The following STIP1 variants were observed in gnomAD, a reference collection of about 807,000 sequenced individuals.
STIP1 encodes stress induced phosphoprotein 1.
A neutral mutation model predicts 77.4 loss-of-function variants in STIP1; 16 were observed. That is an observed-to-expected ratio of 0.21 (90% CI 0.14 to 0.31). The LOEUF (loss-of-function observed/expected upper bound fraction) is 0.31. Ranked by LOEUF, STIP1 falls within the 10% of genes least tolerant of loss-of-function variation. The pLI is 1.00. For synonymous variants in STIP1, 258 were observed against 246.6 expected (o/e 1.05, Z -0.44); for missense variants, 524 against 684.8 (o/e 0.77, Z 2.62).
rs571234001 is a variant in STIP1 at position 64,202,236 on chromosome 11, T to G, written c.1246-640T>G. Among the ~76,000 whole-genome samples, 5 of 151,972 alleles carry G rather than the reference T, an allele frequency of 3.3e-5. No homozygotes were observed. The East Asian group carries it at 9.6e-4, about 29-fold the overall frequency. On this transcript the variant is annotated intron_variant, in intron 10 of 13. Transcript: ENST00000305218. The stretch of plus-strand genomic sequence containing the variant: ...GGTTTTTTTATTTTTGTTTGTTTGT[T>G]TTTATTTTTTTTTGAGACAGAGTTT...
chr11:64,190,608 C>G (rs915801360), intron 1 of STIP1, among the ~76,000 whole-genome samples: 7 of 152,208 alleles, frequency 4.6e-5, no homozygotes, highest in African/African-American at 1.7e-4. Flanking sequence ...AATCATTTCT[C>G]TTGACAAAAC....
intron 8 of STIP1, among the ~76,000 whole-genome samples, chr11:64,198,896 C>A (rs1204282505): frequency 6.6e-6 from 1 of 151,208 alleles, no homozygotes; most frequent in African/African-American, 2.4e-5. Flanking sequence ...CTGTAAATTT[C>A]TTTTAAAATC....
rs775702847 is a variant in STIP1 at position 64,197,360 on chromosome 11, G to A, written c.762G>A (p.Leu254=). The part of the protein sequence containing the change: ...ALKHYDKAKE[L]DPTNMTYITN... ...AGCATTACGACAAAGCCAAGGAGCT[G>A]GACCCCACTAACATGACTTACATTA... Residue 254 remains leucine (L), a synonymous_variant, in exon 6 of 14, where the codon CTG becomes CTA. Transcript: ENST00000305218. The A allele has an allele frequency of 5.0e-6, 8 of 1,614,024 alleles. No homozygotes were observed. In the South Asian group the frequency reaches 7.7e-5, roughly 16 times the overall value.
intron 1 of STIP1, chr11:64,186,513 ACAG>A: frequency 3.0e-6 from 1 of 337,748 alleles, no homozygotes; most frequent in Admixed American, 5.2e-5. Flanking sequence ...GGCGGAGGCC[ACAG>A]CTTGGGTGAG....
At chr11:64,185,706 A>G (rs534676651), upstream of STIP1, 20 of 1,378,404 alleles carry the variant, frequency 1.5e-5, no homozygotes, top group East Asian at 2.5e-5. Context: ...GTACTCCCAT[A>G]TATCAGGGGC....
rs561319313 is a variant in STIP1, at chr11:64,193,895, T to C, written c.220-294T>C. Among the ~76,000 whole-genome samples the C allele has an allele frequency of 2.0e-5, 3 of 152,178 alleles. No homozygotes were observed. The South Asian group carries it at 6.2e-4, about 32-fold the overall frequency. Reference sequence around the variant, plus strand: ...CCCAAAGGTTTGGGACCAGCCTGGGTAACATAAGGAGTCCCTGTCTTTACC... The same window carrying C: ...CCCAAAGGTTTGGGACCAGCCTGGGCAACATAAGGAGTCCCTGTCTTTACC... On this transcript the variant is annotated intron_variant, in intron 2 of 13. Transcript: ENST00000305218.
rs1221893517 is a variant in STIP1, at chr11:64,204,538, G to A, written c.*412G>A. 3 of 199,786 alleles carry A rather than the reference G, an allele frequency of 1.5e-5. No individual in the cohort carries two copies. The highest frequency in any genetic ancestry group is 3.0e-5 in the Non-Finnish European group (3 of 99,218). 12.4% of individuals were successfully genotyped at this position (199,786 alleles called of 1,614,324 possible). On this transcript the variant is annotated 3_prime_UTR_variant, in exon 14 of 14. Coordinates refer to ENST00000305218, the MANE Select transcript of STIP1 (RefSeq NM_006819.3). Reference sequence around the variant, plus strand: ...CAATAAAACAAGCCAGTTGGGCGTGGTTATATGTTGCTTTGGCCTTGAGTG... The same window carrying A: ...CAATAAAACAAGCCAGTTGGGCGTGATTATATGTTGCTTTGGCCTTGAGTG...
At chr11:64,196,571 C>A (rs556259376) in intron 5 of STIP1, among the ~76,000 whole-genome samples, 3 of 152,010 alleles carry the variant, frequency 2.0e-5, no homozygotes, top group African/African-American at 7.3e-5. Flanking sequence ...TTGTCGTGAT[C>A]CGAAGAATGT....
At chr11:64,188,725 T>C (rs906191560) in intron 1 of STIP1, among the ~76,000 whole-genome samples, 2 of 152,136 alleles carry the variant, frequency 1.3e-5, no homozygotes, top group Non-Finnish European at 2.9e-5. Context: ...GTGATAGAAG[T>C]GTATGTACAG....
intron 13 of STIP1, 145 bp from the exon 14 acceptor site, chr11:64,203,909 G>T (rs1032681745): frequency 2.1e-6 from 2 of 969,562 alleles, no homozygotes; most frequent in Middle Eastern, 5.2e-4. Flanking sequence ...AGTGGAGCAG[G>T]CCTCTGCAGC....
upstream of STIP1, chr11:64,185,907 G>C (rs1460166067): frequency 6.5e-7 from 1 of 1,536,112 alleles, no homozygotes; most frequent in African/African-American, 1.4e-5. Context: ...GGCTACGATT[G>C]GCAGTGCAAA....
intron 8 of STIP1, 110 bp downstream of exon 8, chr11:64,198,084 G>A: frequency 7.3e-7 from 1 of 1,378,486 alleles, no homozygotes; most frequent in Non-Finnish European, 9.8e-7. Context: ...TTTGAGATAG[G>A]GTCTCACTCT....
intron 7 of STIP1, 38 bp downstream of exon 7, chr11:64,197,633 A>G (rs1223593537): frequency 6.2e-7 from 1 of 1,611,146 alleles, no homozygotes. Context: ...AGTAGCGCGG[A>G]GGGTTTGCTG....
At position 64,187,831 on chromosome 11, in the gene STIP1, C is replaced by T. The variant is rs143941604; in HGVS notation, c.9+1561C>T. ...CCTGGCTAGCACAGTGAAACCCCGT[C>T]TCTACTAAAAATACAGAAGAAAAAT... On this transcript the variant is annotated intron_variant, in intron 1 of 13. Coordinates refer to ENST00000305218, the MANE Select transcript of STIP1 (RefSeq NM_006819.3). Among the ~76,000 whole-genome samples, 63 of 152,024 alleles carry T rather than the reference C, an allele frequency of 4.1e-4. No individual in the cohort carries two copies. The East Asian group carries it at 9.7e-3, about 23-fold the overall frequency.
At chr11:64,197,746 G>A (rs754906151) in intron 7 of STIP1, 108 bp from the exon 8 acceptor site, 20 of 1,552,664 alleles carry the variant, frequency 1.3e-5, no homozygotes, top group East Asian at 2.2e-5. Flanking sequence ...CAAGACAAAA[G>A]GTGTTGAAGG....
intron 10 of STIP1, among the ~76,000 whole-genome samples, chr11:64,200,590 C>CGTGTGTGTGTGTGT (rs35484605): frequency 1.4e-5 from 2 of 141,208 alleles, no homozygotes; most frequent in Non-Finnish European, 3.1e-5. Flanking sequence ...TCTAACTGGT[C>CGTGTGTGTGTGTGT]GTGTGTGTGT....
chr11:64,199,286 A>G (rs1462103459), intron 8 of STIP1, among the ~76,000 whole-genome samples: 1 of 151,212 alleles, frequency 6.6e-6, no homozygotes, highest in African/African-American at 2.4e-5. Context: ...GGGCGGATCA[A>G]GAGGTCAGGA....
Position 64,193,137 on chromosome 11 carries a change from C to T in STIP1, c.69C>T (p.Ala23=), listed in dbSNP as rs774570014. The T allele has an allele frequency of 5.0e-6, 8 of 1,614,068 alleles. No homozygotes were observed. Among genetic ancestry groups the T allele is most frequent in the African/African-American group, 4.0e-5 (3 of 74,910 alleles). The change falls in exon 2 of 14, where the codon GCC becomes GCT. Residue 23 remains alanine (A), a synonymous_variant. Coordinates refer to ENST00000305218, the MANE Select transcript of STIP1 (RefSeq NM_006819.3). ...TGAGCGTGGGTAACATCGATGATGC[C>T]TTACAGTGCTACTCCGAAGCTATTA... is the stretch of plus-strand genomic sequence containing the variant. ...KALSVGNIDD[A]LQCYSEAIKL...
intron 7 of STIP1, 74 bp from the exon 8 acceptor site, chr11:64,197,780 G>A (rs1946167189): frequency 6.3e-7 from 1 of 1,582,982 alleles, no homozygotes; most frequent in Middle Eastern, 2.3e-4. Flanking sequence ...CTTTCTAGCT[G>A]CAGGTGTGTT....
Sources: gnomAD v4.1 joint callset for allele counts (sites outside exome capture counted in the v4.1 genomes callset) on GRCh38, gnomAD v4.1.1 for gene constraint, MANE v1.5 for transcripts, NCBI Gene and HGNC (gene_info 2026-07-23, HGNC 2026-07-21) for gene names.